The following ENOX1 variants were observed in gnomAD, a reference collection of about 807,000 sequenced individuals.
ENOX1 encodes ecto-NOX disulfide-thiol exchanger 1.
In ENOX1, 42 loss-of-function variants were observed where a neutral mutation model predicts 82.5. The ratio of observed to expected loss-of-function variants is 0.51; its 90% CI spans 0.40 to 0.66. The LOEUF is 0.66. Among genes scored for constraint, ENOX1 ranks in the 30% least tolerant of loss-of-function variants. The pLI is 0.00. For missense variants in ENOX1, 608 were observed against 811.6 expected (o/e 0.75, Z 3.05); for synonymous variants, 271 against 282.2 (o/e 0.96, Z 0.40).
intron 8 of ENOX1, among the ~76,000 whole-genome samples, chr13:43,353,272 A>C (rs186686080): frequency 6.6e-6 from 1 of 152,340 alleles, no homozygotes; most frequent in East Asian, 1.9e-4. Flanking sequence ...CAGGACATGG[A>C]GAGGGCCTTG....
At chr13:43,771,933 A>ATTTTTTTTTTTTTT (rs34718451) in intron 1 of ENOX1, among the ~76,000 whole-genome samples, 52 of 100,964 alleles carry the variant, frequency 5.2e-4, no homozygotes, top group Non-Finnish European at 6.7e-4. Flanking sequence ...CGCCCGGCTA[A>ATTTTTTTTTTTTTT]TTTTTTTTTT....
intron 1 of ENOX1, among the ~76,000 whole-genome samples, chr13:43,684,787 A>C (rs1479287265): frequency 1.3e-5 from 2 of 152,228 alleles, no homozygotes; most frequent in Non-Finnish European, 2.9e-5. Flanking sequence ...CATAGTAGCC[A>C]TAGTCAACCA....
At position 43,725,966 on chromosome 13, in the gene ENOX1, C is replaced by CA. The variant is rs754929557; in HGVS notation, c.-284-58423dup. ...TGGACAACAGAATAAGACCCTGTCT[C>CA]AAAAAAAAAAAAGGTTCTGATTATC... On this transcript the variant is annotated intron_variant, in intron 1 of 16. Transcript: ENST00000690772. 3.2e-3 allele frequency among the ~76,000 whole-genome samples: 439 copies of CA among 135,326 alleles called. 1 individual carries two copies. Among genetic ancestry groups the CA allele is most frequent in the African/African-American group, 9.0e-3 (330 of 36,828 alleles). 88.8% of individuals were successfully genotyped at this position (135,326 alleles called of 152,430 possible).
chr13:43,517,187 G>T (rs549376763), intron 2 of ENOX1, among the ~76,000 whole-genome samples: 59 of 152,176 alleles, frequency 3.9e-4, no homozygotes, highest in Non-Finnish European at 6.8e-4. Flanking sequence ...GGAGCTTTTG[G>T]CCTGGTCATT....
chr13:43,282,935 A>G (rs941696155), intron 12 of ENOX1, among the ~76,000 whole-genome samples: 1 of 151,938 alleles, frequency 6.6e-6, no homozygotes, highest in African/African-American at 2.4e-5. Context: ...TACTAAAAAA[A>G]TACAAAATTA....
chr13:43,527,087 T>C (rs1318800759), intron 2 of ENOX1, among the ~76,000 whole-genome samples: 1 of 152,014 alleles, frequency 6.6e-6, no homozygotes, highest in Admixed American at 6.6e-5. Flanking sequence ...GAAATGAATT[T>C]ATGTTCTTCA....
chr13:43,703,686 A>T (rs1313299033), intron 1 of ENOX1, among the ~76,000 whole-genome samples: 10 of 152,088 alleles, frequency 6.6e-5, no homozygotes, highest in Admixed American at 6.6e-4. Flanking sequence ...AATTTACCTT[A>T]ATTTCCAAAT....
rs1369863395 is a variant in ENOX1, at chr13:43,412,847, G to A, written c.68C>T (p.Ala23Val). Residue 23 changes from alanine to valine, a missense_variant and splice_region_variant, in exon 4 of 17, where the codon GCA becomes GTA. Coordinates refer to ENST00000690772, the MANE Select transcript of ENOX1 (RefSeq NM_001347969.2). ...CTGTGCTGGCCACTGGCATTTACCT[G>A]CAGCCATCATCTGAGGAAGCTCCTG... The part of the protein sequence containing the change: ...LPQELPQMMA[A>V]AADGLGSIAI... 6 of 1,613,860 alleles carry A rather than the reference G, an allele frequency of 3.7e-6. No individual in the cohort carries two copies. Among genetic ancestry groups the A allele is most frequent in the African/African-American group, 2.7e-5 (2 of 74,880 alleles).
At chr13:43,508,125 C>A (rs535063488) in intron 2 of ENOX1, among the ~76,000 whole-genome samples, 1 of 151,982 alleles carries the variant, frequency 6.6e-6, no homozygotes, top group African/African-American at 2.4e-5. Flanking sequence ...ACTCAATCCT[C>A]ATTGTGCTGT....
intron 5 of ENOX1, among the ~76,000 whole-genome samples, chr13:43,381,932 G>A (rs1314227381): frequency 6.6e-6 from 1 of 151,922 alleles, no homozygotes; most frequent in Admixed American, 6.6e-5. Context: ...CTCTAGTAGA[G>A]GTTAAATCTT....
chr13:43,419,665 A>T (rs2054856005), intron 3 of ENOX1, among the ~76,000 whole-genome samples: 1 of 152,180 alleles, frequency 6.6e-6, no homozygotes, highest in Non-Finnish European at 1.5e-5. Flanking sequence ...CAGATTTCTT[A>T]ATGTCTTGTA....
chr13:43,223,775 A>G (rs963740269), intron 16 of ENOX1, among the ~76,000 whole-genome samples: 2 of 152,220 alleles, frequency 1.3e-5, no homozygotes, highest in Admixed American at 1.3e-4. Context: ...TTTCAGGTGA[A>G]CCTATATTTT....
At chr13:43,700,286 G>C (rs1047664946) in intron 1 of ENOX1, among the ~76,000 whole-genome samples, 4 of 152,092 alleles carry the variant, frequency 2.6e-5, no homozygotes, top group Non-Finnish European at 5.9e-5. Flanking sequence ...TGGAATTTTA[G>C]AAATTCATTA....
chr13:43,441,398 C>T (rs529268118), intron 3 of ENOX1, among the ~76,000 whole-genome samples: 34 of 152,094 alleles, frequency 2.2e-4, no homozygotes, highest in Non-Finnish European at 8.8e-5. Context: ...TATCTCAGCT[C>T]GAATTGTTGG....
chr13:43,640,506 C>T (rs2083588794), intron 2 of ENOX1, among the ~76,000 whole-genome samples: 1 of 152,130 alleles, frequency 6.6e-6, no homozygotes, highest in Non-Finnish European at 1.5e-5. Flanking sequence ...TCTAGATGCT[C>T]GGTACACAGA....
At chr13:43,465,281 ATTTATATTAGGATGAACTC>A (rs2057669724) in intron 3 of ENOX1, among the ~76,000 whole-genome samples, 1 of 152,100 alleles carries the variant, frequency 6.6e-6, no homozygotes, top group Non-Finnish European at 1.5e-5. Flanking sequence ...TCGATTGTTT[ATTTATATTAGGATGAACTC>A]AGACATTTAT....
chr13:43,230,147 T>C (rs1209968891), intron 15 of ENOX1, among the ~76,000 whole-genome samples: 1 of 152,036 alleles, frequency 6.6e-6, no homozygotes, highest in Admixed American at 6.6e-5. Context: ...AATAAGAAAG[T>C]GTGGCATCAT....
chr13:43,766,598 T>G (rs985195772), intron 1 of ENOX1, among the ~76,000 whole-genome samples: 5 of 152,152 alleles, frequency 3.3e-5, no homozygotes, highest in Admixed American at 1.3e-4. Context: ...TAAAAATGTA[T>G]TCAGGGAACG....
At chr13:43,635,121 G>A (rs921344264) in intron 2 of ENOX1, among the ~76,000 whole-genome samples, 4 of 152,176 alleles carry the variant, frequency 2.6e-5, no homozygotes, top group Admixed American at 2.0e-4. Flanking sequence ...TGAAATCTGG[G>A]TAGAAATAAA....
Sources: allele counts gnomAD v4.1 joint callset (sites outside exome capture counted in the v4.1 genomes callset), GRCh38; gene constraint gnomAD v4.1.1; transcripts MANE v1.5; gene names NCBI Gene and HGNC (gene_info 2026-07-23, HGNC 2026-07-21).